PARD3: variants seen among roughly 807,000 people sequenced by gnomAD.
PARD3 encodes partitioning defective 3 homolog.
In PARD3, 75 loss-of-function variants were observed where a neutral mutation model predicts 155.4. The observed-to-expected ratio is 0.48, with a 90% confidence interval of 0.40 to 0.58. The LOEUF is 0.58. Ranked by LOEUF, PARD3 falls within the 20% of genes least tolerant of loss-of-function variation. PARD3 has a pLI of 0.00. For synonymous variants in PARD3, 576 were observed against 610.5 expected (o/e 0.94, Z 0.83); for missense variants, 1,642 against 1,721.7 (o/e 0.95, Z 0.82).
intron 2 of PARD3, among the ~76,000 whole-genome samples, chr10:34,635,382 G>C (rs1349397305): frequency 6.6e-6 from 1 of 152,386 alleles, no homozygotes; most frequent in Admixed American, 6.5e-5. Flanking sequence ...CCTAGAGCCA[G>C]AGAGTGTGCA....
At chr10:34,548,092 CATTA>C (rs1324294738) in intron 2 of PARD3, among the ~76,000 whole-genome samples, 1 of 152,224 alleles carries the variant, frequency 6.6e-6, no homozygotes, top group Non-Finnish European at 1.5e-5. Context: ...TAAGCAATAA[CATTA>C]ATTAATCCAG....
At chr10:34,466,630 T>C (rs2078023064) in intron 4 of PARD3, among the ~76,000 whole-genome samples, 1 of 152,148 alleles carries the variant, frequency 6.6e-6, no homozygotes, top group Non-Finnish European at 1.5e-5. Context: ...TCTACAATTT[T>C]ATACAGAAAA....
At chr10:34,149,437 G>A (rs573577959) in intron 22 of PARD3, among the ~76,000 whole-genome samples, 1 of 152,126 alleles carries the variant, frequency 6.6e-6, no homozygotes, top group African/African-American at 2.4e-5. Context: ...TCTTTACAAT[G>A]TAATGATATA....
intron 22 of PARD3, among the ~76,000 whole-genome samples, chr10:34,161,895 G>T (rs1949301167): frequency 6.6e-6 from 1 of 152,172 alleles, no homozygotes. Flanking sequence ...TTTCAGTTTT[G>T]TGTACTAGCT....
At chr10:34,613,387 T>C (rs2091043147) in intron 2 of PARD3, among the ~76,000 whole-genome samples, 1 of 152,192 alleles carries the variant, frequency 6.6e-6, no homozygotes, top group Non-Finnish European at 1.5e-5. Flanking sequence ...AAAACACTTT[T>C]ATGGCTTGAA....
At chr10:34,212,149 C>T (rs1403237658) in intron 22 of PARD3, among the ~76,000 whole-genome samples, 1 of 151,840 alleles carries the variant, frequency 6.6e-6, no homozygotes, top group East Asian at 1.9e-4. Context: ...CCTAATTTAA[C>T]TGATGATGCT....
chr10:34,630,449 T>G lies in PARD3; in HGVS notation c.222+65869A>C, dbSNP rs558928444. Among the ~76,000 whole-genome samples the G allele has an allele frequency of 1.1e-4, 17 of 151,330 alleles. No homozygotes were observed. In the East Asian group the frequency reaches 3.3e-3, roughly 29 times the overall value. On this transcript the variant is annotated intron_variant, in intron 2 of 24. Coordinates refer to ENST00000374788, the MANE Select transcript of PARD3 (RefSeq NM_001184785.2). ...CCTTATCCTCCCTCTCTCTCTTTTT[T>G]TTTTTTTTTTTCTTCCGGAGACAGG...
At chr10:34,442,032 G>C (rs974849965) in intron 5 of PARD3, among the ~76,000 whole-genome samples, 1 of 152,020 alleles carries the variant, frequency 6.6e-6, no homozygotes, top group African/African-American at 2.4e-5. Flanking sequence ...TTCTACATTT[G>C]GTGTTGCTAG....
At chr10:34,259,362 G>A (rs1041908271) in intron 22 of PARD3, among the ~76,000 whole-genome samples, 7 of 152,122 alleles carry the variant, frequency 4.6e-5, no homozygotes, top group African/African-American at 1.4e-4. Context: ...AGTTCCTTCC[G>A]GAGGCTCGAG....
At chr10:34,388,744 T>C (rs1842592149) in intron 7 of PARD3, among the ~76,000 whole-genome samples, 1 of 152,122 alleles carries the variant, frequency 6.6e-6, no homozygotes, top group Non-Finnish European at 1.5e-5. Context: ...GAATTCCTTA[T>C]TGGGTCAACC....
At chr10:34,627,197 T>C (rs1448070944) in intron 2 of PARD3, among the ~76,000 whole-genome samples, 1 of 152,068 alleles carries the variant, frequency 6.6e-6, no homozygotes. Context: ...CAAGATAATT[T>C]TCAATTTTTG....
intron 1 of PARD3, among the ~76,000 whole-genome samples, chr10:34,800,755 C>G (rs552276901): frequency 2.0e-5 from 3 of 152,090 alleles, no homozygotes; most frequent in Non-Finnish European, 4.4e-5. Flanking sequence ...GTTGTTAAAA[C>G]GGTACCTTCC....
chr10:34,712,989 G>A (rs149802582), intron 1 of PARD3, among the ~76,000 whole-genome samples: 3,018 of 152,168 alleles, frequency 0.02, 100 homozygotes, highest in African/African-American at 0.068. Flanking sequence ...CAGGCAGATC[G>A]CTTTAAGTCA....
At chr10:34,143,792 T>C (rs1948322554) in intron 22 of PARD3, among the ~76,000 whole-genome samples, 2 of 152,318 alleles carry the variant, frequency 1.3e-5, no homozygotes, top group Admixed American at 1.3e-4. Context: ...TAGTGAAACA[T>C]ACATCTAATA....
chr10:34,328,655 A>G (rs111612364), intron 19 of PARD3, among the ~76,000 whole-genome samples: 1,896 of 152,266 alleles, frequency 0.012, 42 homozygotes, highest in African/African-American at 0.043. Flanking sequence ...TTGAAAGTCA[A>G]TTATCTAGTC....
chr10:34,603,259 C>G (rs2089946892), intron 2 of PARD3, among the ~76,000 whole-genome samples: 1 of 152,184 alleles, frequency 6.6e-6, no homozygotes, highest in East Asian at 1.9e-4. Flanking sequence ...AACCACCTGC[C>G]TGGTGCTCCG....
chr10:34,748,232 G>A (rs986543939), intron 1 of PARD3, among the ~76,000 whole-genome samples: 3 of 152,204 alleles, frequency 2.0e-5, no homozygotes, highest in Non-Finnish European at 4.4e-5. Context: ...CACTTTGGGA[G>A]GGTGAGGCAG....
intron 1 of PARD3, among the ~76,000 whole-genome samples, chr10:34,743,839 A>G (rs540140476): frequency 2.4e-4 from 37 of 152,184 alleles, no homozygotes; most frequent in Non-Finnish European, 5.0e-4. Flanking sequence ...TGCCCCCACA[A>G]TCACGCCTGG....
At chr10:34,444,745 C>A (rs1450998692) in intron 5 of PARD3, among the ~76,000 whole-genome samples, 1 of 152,208 alleles carries the variant, frequency 6.6e-6, no homozygotes, top group Non-Finnish European at 1.5e-5. Context: ...GATTCACTAT[C>A]CCCGTAAGTA....
Sources: gnomAD v4.1 joint callset for allele counts (sites outside exome capture counted in the v4.1 genomes callset) on GRCh38, gnomAD v4.1.1 for gene constraint, MANE v1.5 for transcripts, NCBI Gene and HGNC (gene_info 2026-07-23, HGNC 2026-07-21) for gene names.